GALNT13: variants seen among roughly 807,000 people sequenced by gnomAD.
GALNT13 encodes the protein UDP-GalNAc:polypeptide N-acetylgalactosaminyltransferase 13.
A neutral mutation model predicts 64.2 loss-of-function variants in GALNT13; 28 were observed. That is an observed-to-expected ratio of 0.44 (90% CI 0.32 to 0.60). The LOEUF (loss-of-function observed/expected upper bound fraction) is 0.60. Among genes scored for constraint, GALNT13 ranks in the 20% least tolerant of loss-of-function variants. The probability of loss-of-function intolerance (pLI) is 0.05; values close to 1 mark genes in which losing one functional copy is unlikely to be tolerated. For missense variants in GALNT13, 577 were observed against 669.8 expected (o/e 0.86, Z 1.53); for synonymous variants, 214 against 224.6 (o/e 0.95, Z 0.42).
At chr2:153,439,381 T>C in the GALNT13 span, among the ~76,000 whole-genome samples, 1 of 152,218 alleles carries the variant, frequency 6.6e-6, no homozygotes, top group Non-Finnish European at 1.5e-5. Context: ...CAGAGGTTAC[T>C]GCTGCCTTTT....
At chr2:153,554,095 T>C in the GALNT13 span, among the ~76,000 whole-genome samples, 604 of 150,984 alleles carry the variant, frequency 4.0e-3, 5 homozygotes, top group African/African-American at 0.014. Flanking sequence ...GGTGGGCGGA[T>C]CACGAGGTCA....
At chr2:154,051,193 A>G (rs192567684) in intron 3 of GALNT13, among the ~76,000 whole-genome samples, 1 of 152,210 alleles carries the variant, frequency 6.6e-6, no homozygotes, top group East Asian at 1.9e-4. Flanking sequence ...AATGTCCTGC[A>G]CTGTAGAGTA....
chr2:153,233,867 C>A, the GALNT13 span, among the ~76,000 whole-genome samples: 5 of 151,904 alleles, frequency 3.3e-5, no homozygotes, highest in African/African-American at 1.2e-4. Context: ...TTATTTCCAG[C>A]AAAATAACAT....
At chr2:153,511,423 G>A in the GALNT13 span, among the ~76,000 whole-genome samples, 1 of 152,112 alleles carries the variant, frequency 6.6e-6, no homozygotes, top group Non-Finnish European at 1.5e-5. Context: ...TATAGATTCA[G>A]TAGGGTTTCA....
chr2:154,067,960 C>T (rs183913420), intron 3 of GALNT13, among the ~76,000 whole-genome samples: 9 of 151,928 alleles, frequency 5.9e-5, no homozygotes, highest in African/African-American at 1.2e-4. Flanking sequence ...CCAAACTGTT[C>T]ATCTGACAAG....
chr2:154,264,466 C>CAAAAAAAAAAA (rs3078698), intron 8 of GALNT13, among the ~76,000 whole-genome samples: 1 of 123,478 alleles, frequency 8.1e-6, no homozygotes, highest in Non-Finnish European at 1.7e-5. Context: ...ACTAAAAATA[C>CAAAAAAAAAAA]AAAAAAAAAA....
chr2:154,420,254 G>A (rs1215364532), intron 11 of GALNT13, among the ~76,000 whole-genome samples: 1 of 152,024 alleles, frequency 6.6e-6, no homozygotes, highest in Non-Finnish European at 1.5e-5. Context: ...GCTACTAACA[G>A]CATCCACTTT....
chr2:153,115,497 C>T, the GALNT13 span, among the ~76,000 whole-genome samples: 1 of 152,138 alleles, frequency 6.6e-6, no homozygotes, highest in Non-Finnish European at 1.5e-5. Context: ...ACTCAAAGCT[C>T]TCATCAAAAT....
chr2:154,022,827 GC>G (rs200567794), intron 3 of GALNT13, among the ~76,000 whole-genome samples: 30,856 of 151,880 alleles, frequency 0.2, 3,985 homozygotes, highest in Middle Eastern at 0.33. Flanking sequence ...TCTCTTGTGG[GC>G]ATTTAGTGCT....
At chr2:153,389,781 C>T in the GALNT13 span, among the ~76,000 whole-genome samples, 7 of 152,046 alleles carry the variant, frequency 4.6e-5, no homozygotes, top group African/African-American at 1.7e-4. Context: ...AGGCGAATAC[C>T]TGGGCTTGTG....
At chr2:153,257,247 A>C in the GALNT13 span, among the ~76,000 whole-genome samples, 72 of 152,212 alleles carry the variant, frequency 4.7e-4, 1 homozygote, top group Admixed American at 7.2e-4. Context: ...TTGTTTGACT[A>C]GGAAAGGGAA....
chr2:153,878,293 C>T (rs1485955976), intron 1 of GALNT13, among the ~76,000 whole-genome samples: 1 of 152,106 alleles, frequency 6.6e-6, no homozygotes, highest in Non-Finnish European at 1.5e-5. Flanking sequence ...CCTAATTTCA[C>T]CCAAGACTGA....
the GALNT13 span, among the ~76,000 whole-genome samples, chr2:153,392,027 T>C: frequency 1.3e-5 from 2 of 148,544 alleles, no homozygotes; most frequent in Admixed American, 6.8e-5. Flanking sequence ...TATGTTTATA[T>C]AATATATGTG....
the GALNT13 span, among the ~76,000 whole-genome samples, chr2:153,636,306 C>A: frequency 6.6e-6 from 1 of 152,072 alleles, no homozygotes; most frequent in Non-Finnish European, 1.5e-5. Flanking sequence ...ACCAGAACAG[C>A]ATATACTACA....
the GALNT13 span, among the ~76,000 whole-genome samples, chr2:153,744,762 CAG>C: frequency 6.6e-6 from 1 of 152,072 alleles, no homozygotes; most frequent in Non-Finnish European, 1.5e-5. Flanking sequence ...GGTTGGGACA[CAG>C]AGATGGAACA....
chr2:153,485,854 C>T, the GALNT13 span, among the ~76,000 whole-genome samples: 16 of 152,284 alleles, frequency 1.1e-4, no homozygotes, highest in Admixed American at 5.9e-4. Context: ...GAGCTGTGAT[C>T]GTGCCACTGC....
chr2:153,113,111 A>T, the GALNT13 span, among the ~76,000 whole-genome samples: 1 of 152,226 alleles, frequency 6.6e-6, no homozygotes, highest in Middle Eastern at 3.4e-3. Context: ...ATTTTCAAAA[A>T]CATGTTTACA....
chr2:153,987,879 G>A (rs1019197606), intron 3 of GALNT13, among the ~76,000 whole-genome samples: 2 of 151,780 alleles, frequency 1.3e-5, no homozygotes, highest in African/African-American at 4.8e-5. Context: ...TAAATTAATA[G>A]TATTGATCAA....
chr2:154,159,097 G>A (rs1267979304), intron 4 of GALNT13, among the ~76,000 whole-genome samples: 1 of 151,534 alleles, frequency 6.6e-6, no homozygotes, highest in African/African-American at 2.4e-5. Context: ...ATTTAATGCA[G>A]TGGTCTTTTT....
Sources: allele counts gnomAD v4.1 joint callset (sites outside exome capture counted in the v4.1 genomes callset), GRCh38; gene constraint gnomAD v4.1.1; transcripts MANE v1.5; gene names NCBI Gene and HGNC (gene_info 2026-07-23, HGNC 2026-07-21).